FBLN1: variants seen among roughly 807,000 people sequenced by gnomAD.
FBLN1 encodes the protein fibulin-1.
FBLN1 carries 34 observed loss-of-function variants against 89.7 expected under a neutral mutation model. That is an observed-to-expected ratio of 0.38 (90% CI 0.29 to 0.50). The LOEUF is 0.50. FBLN1 is among the 20% of genes least tolerant of loss of function. The pLI is 0.92. For missense variants in FBLN1, 777 were observed against 988.1 expected, an observed-to-expected ratio of 0.79 and a Z score of 2.86; for synonymous variants, 393 against 391.3, an observed-to-expected ratio of 1.00 and a Z score of -0.05.
In FBLN1 at chr22:45,532,890, G is replaced by A; in HGVS notation, c.545-173G>A. The A allele has an allele frequency of 1.5e-6, 1 of 653,268 alleles. No individual in the cohort carries two copies. Among genetic ancestry groups the A allele is most frequent in the Non-Finnish European group, 2.8e-6 (1 of 363,466 alleles). 40.5% of individuals were successfully genotyped at this position (653,268 alleles called of 1,614,324 possible). Reference sequence around the variant, plus strand: ...CAGCAGCCCCTGGGGGGTGTCCAGAGCCAGAGCCTGGGGGTCTCCCAGTAG... The same window carrying A: ...CAGCAGCCCCTGGGGGGTGTCCAGAACCAGAGCCTGGGGGTCTCCCAGTAG... On this transcript the variant is annotated intron_variant, in intron 5 of 16. Transcript: ENST00000327858. The surrounding 1 kb of genome is among the most constrained non-coding windows in gnomAD (Gnocchi z 4.2).
chr22:45,555,022 G>T (rs913104648), intron 14 of FBLN1, among the ~76,000 whole-genome samples: 1 of 151,182 alleles, frequency 6.6e-6, no homozygotes, highest in Non-Finnish European at 1.5e-5. Context: ...ACCCGTCCCC[G>T]TCTCCACCGC....
chr22:45,513,189 T>C (rs904729295), intron 1 of FBLN1, among the ~76,000 whole-genome samples: 2 of 152,222 alleles, frequency 1.3e-5, no homozygotes, highest in Admixed American at 1.3e-4. Flanking sequence ...CATCGATTGC[T>C]TTCCTACTGT....
At chr22:45,509,251 C>T (rs1348365261) in intron 1 of FBLN1, among the ~76,000 whole-genome samples, 1 of 152,160 alleles carries the variant, frequency 6.6e-6, no homozygotes. Context: ...CCCCTCTGTG[C>T]ACTGGGCTGA....
At chr22:45,542,331 C>A in intron 10 of FBLN1, 48 bp downstream of exon 10, 1 of 1,611,244 alleles carries the variant, frequency 6.2e-7, no homozygotes, top group Non-Finnish European at 8.5e-7. Context: ...CCACGTGGCA[C>A]CAGGGACACA....
chr22:45,558,742 G>A (rs1332644414), intron 14 of FBLN1: 1 of 152,810 alleles, frequency 6.5e-6, no homozygotes, highest in Non-Finnish European at 1.5e-5. Flanking sequence ...CTTGGTTGTA[G>A]GTGGGGCCAA....
At chr22:45,594,888 G>A (rs1430034718) in intron 16 of FBLN1, among the ~76,000 whole-genome samples, 1 of 148,534 alleles carries the variant, frequency 6.7e-6, no homozygotes, top group African/African-American at 2.6e-5. Context: ...ATGGATAGAT[G>A]GATTGGTGAG....
chr22:45,542,362 A>C, intron 10 of FBLN1, 79 bp downstream of exon 10: 1 of 1,564,746 alleles, frequency 6.4e-7, no homozygotes, highest in Non-Finnish European at 8.8e-7. Flanking sequence ...ACCTCGAGTG[A>C]TGTGGTCTGA....
intron 14 of FBLN1, chr22:45,564,916 C>T (rs1174550098): frequency 6.2e-7 from 1 of 1,614,014 alleles, no homozygotes; most frequent in Non-Finnish European, 8.5e-7. Context: ...CAGAACACCC[C>T]AGCGGGATCA....
Position 45,576,953 on chromosome 22 carries a change from C to T in FBLN1, c.1841-24C>T. On this transcript the variant is annotated intron_variant, in intron 15 of 16. Transcript: ENST00000327858. This position sits in a 1 kb window ranked among gnomAD's most constrained non-coding sequence, Gnocchi z 5.2. ...GGCTGGGGCCAGGCTGTGCTGAGCC[C>T]TTCTCCATTCTGTGCCTCTGCAGAG... The T allele has an allele frequency of 3.1e-6, 5 of 1,613,188 alleles. No individual in the cohort carries two copies. Among genetic ancestry groups the T allele is most frequent in the Non-Finnish European group, 4.2e-6 (5 of 1,180,000 alleles).
At chr22:45,529,925 G>T (rs892471340) in intron 4 of FBLN1, among the ~76,000 whole-genome samples, 13 of 152,150 alleles carry the variant, frequency 8.5e-5, no homozygotes, top group Non-Finnish European at 1.6e-4. Flanking sequence ...CGAAAGGGAA[G>T]AACCCTCAGA....
intron 10 of FBLN1, among the ~76,000 whole-genome samples, chr22:45,542,485 C>G (rs1236048981): frequency 1.3e-5 from 2 of 152,234 alleles, no homozygotes; most frequent in Non-Finnish European, 2.9e-5. Flanking sequence ...CCACTGGCAC[C>G]ACCCCCCTGT....
rs1414404632 is a variant in FBLN1 at position 45,562,808 on chromosome 22, G to A, written c.1698-11703G>A. On this transcript the variant is annotated intron_variant, in intron 14 of 16. Transcript: ENST00000327858. The surrounding 1 kb of genome is among the most constrained non-coding windows in gnomAD (Gnocchi z 7.8). ...TGGCTGAATCGGCCAGAGGGGCGGC[G>A]GGAGGCCCCGCCTGCCAGCCCCGCA... The A allele has an allele frequency of 1.7e-5, 19 of 1,135,798 alleles. No individual in the cohort carries two copies. The highest frequency in any genetic ancestry group is 7.0e-5 in the East Asian group (3 of 42,758). 70.4% of individuals were successfully genotyped at this position (1,135,798 alleles called of 1,614,324 possible).
intron 14 of FBLN1, among the ~76,000 whole-genome samples, chr22:45,554,768 C>T (rs893044069): frequency 6.6e-6 from 1 of 152,248 alleles, no homozygotes; most frequent in African/African-American, 2.4e-5. Flanking sequence ...GGCTCCGCAC[C>T]TGGGCCCTGC....
rs1315578154 is a variant in FBLN1, at chr22:45,597,423, GT to G, written c.1973-2883del. 1.3e-5 allele frequency among the ~76,000 whole-genome samples: 2 copies of G among 152,226 alleles called. No individual in the cohort carries two copies. Among genetic ancestry groups the G allele is most frequent in the Non-Finnish European group, 2.9e-5 (2 of 68,044 alleles). On this transcript the variant is annotated intron_variant, in intron 16 of 16. Transcript: ENST00000327858. This position sits in a 1 kb window ranked among gnomAD's most constrained non-coding sequence, Gnocchi z 4.2. ...CCCAAACCTCTGAATGCCAGGAAGG[GT>G]GGTAAGAAGTGTCTCTGCGCCTAGT...
chr22:45,528,374 C>G (rs2088359310), intron 4 of FBLN1, among the ~76,000 whole-genome samples: 1 of 152,012 alleles, frequency 6.6e-6, no homozygotes, highest in Non-Finnish European at 1.5e-5. Flanking sequence ...GAATCTCTCT[C>G]TGTCACCCAG....
chr22:45,536,626 G>A lies in FBLN1; in HGVS notation c.922+1289G>A, dbSNP rs1021106393. On this transcript the variant is annotated intron_variant, in intron 8 of 16. Coordinates refer to ENST00000327858, the MANE Select transcript of FBLN1 (RefSeq NM_006486.3). The surrounding 1 kb of genome is among the most constrained non-coding windows in gnomAD (Gnocchi z 5.1). ...CTAAAAATACAAAAATTAGCTGGGC[G>A]TAGTGATGGGCGCCTGTAATCCCAG... is the stretch of plus-strand genomic sequence containing the variant. 6.6e-6 allele frequency among the ~76,000 whole-genome samples: 1 copy of A among 152,196 alleles called. No individual in the cohort carries two copies. The highest frequency in any genetic ancestry group is 2.1e-4 in the South Asian group (1 of 4,804).
At position 45,502,928 on chromosome 22, in the gene FBLN1, C is replaced by T. The variant is rs1391410505; in HGVS notation, c.-58C>T. 1 of 777,608 alleles carries T rather than the reference C, an allele frequency of 1.3e-6. No homozygotes were observed. The highest frequency in any genetic ancestry group is 1.6e-6 in the Non-Finnish European group (1 of 628,662). The allele number at this position is 777,608 out of a possible 1,614,324, so 48.2% of individuals were successfully genotyped here. On this transcript the variant is annotated 5_prime_UTR_variant, in exon 1 of 17. Coordinates refer to ENST00000327858, the MANE Select transcript of FBLN1 (RefSeq NM_006486.3). ...CGGAGCGTGGAGCCCGCGCCGCTGC[C>T]CCAGGACCGCGCCCGCGCCTTTGTC...
intron 14 of FBLN1, chr22:45,551,115 A>G (rs1265142220): frequency 1.2e-5 from 3 of 247,036 alleles, no homozygotes; most frequent in African/African-American, 6.7e-5. Flanking sequence ...GGCATCAAAG[A>G]TTCCAGATCC....
Position 45,579,373 on chromosome 22 carries a change from C to T in FBLN1, c.1972+2265C>T, listed in dbSNP as rs998296894. On this transcript the variant is annotated intron_variant, in intron 16 of 16. Coordinates refer to ENST00000327858, the MANE Select transcript of FBLN1 (RefSeq NM_006486.3). The surrounding 1 kb of genome is among the most constrained non-coding windows in gnomAD (Gnocchi z 5.5). ...ACACAGTGGGCAATGGAAAGGAGTC[C>T]CAGGGTATGAGAGATGATCACAGGT... 6.6e-6 allele frequency among the ~76,000 whole-genome samples: 1 copy of T among 152,244 alleles called. No individual in the cohort carries two copies. Among genetic ancestry groups the T allele is most frequent in the African/African-American group, 2.4e-5 (1 of 41,470 alleles).
Sources: gnomAD v4.1 joint callset for allele counts (sites outside exome capture counted in the v4.1 genomes callset) on GRCh38, gnomAD v4.1.1 for gene constraint, Gnocchi (gnomAD v3.1) non-coding constraint, MANE v1.5 for transcripts, NCBI Gene and HGNC (gene_info 2026-07-23, HGNC 2026-07-21) for gene names.